The following SLC8A1 variants were observed in gnomAD, a reference collection of about 807,000 sequenced individuals.
The protein encoded by SLC8A1 is solute carrier family 8 member A1, also known as sodium/calcium exchanger 1.
Under a neutral mutation model 68.3 loss-of-function variants are expected in SLC8A1, and 18 were observed. That is an observed-to-expected ratio of 0.26 (90% CI 0.18 to 0.39). The LOEUF (loss-of-function observed/expected upper bound fraction) is 0.39, where lower values mean the gene tolerates loss of function less well. Ranked by LOEUF, SLC8A1 falls within the 10% of genes least tolerant of loss-of-function variation. The probability of loss-of-function intolerance (pLI) is 1.00; values close to 1 mark genes in which losing one functional copy is unlikely to be tolerated. For synonymous variants in SLC8A1, 475 were observed against 415.5 expected (o/e 1.14, Z -1.74); for missense variants, 985 against 1,156.7 (o/e 0.85, Z 2.15).
intron 7 of SLC8A1, 149 bp downstream of exon 10, chr2:40,139,252 C>T (rs1158782605): frequency 1.8e-5 from 16 of 866,442 alleles, no homozygotes; most frequent in African/African-American, 8.6e-5. Flanking sequence ...GACAATGTTC[C>T]GGCAGTAACA....
intron 2 of SLC8A1, among the ~76,000 whole-genome samples, chr2:40,400,369 C>A (rs1435388536): frequency 6.6e-6 from 1 of 152,142 alleles, no homozygotes; most frequent in Non-Finnish European, 1.5e-5. Context: ...AGGGAAGACT[C>A]ACCCAGGAAA....
chr2:40,278,124 T>C (rs77328283), intron 2 of SLC8A1, among the ~76,000 whole-genome samples: 4,089 of 152,168 alleles, frequency 0.027, 73 homozygotes, highest in Non-Finnish European at 0.039. Flanking sequence ...TAATATACAA[T>C]GGTTATTTTT....
chr2:40,376,390 G>A (rs927250261), intron 2 of SLC8A1, among the ~76,000 whole-genome samples: 1 of 152,008 alleles, frequency 6.6e-6, no homozygotes, highest in Admixed American at 6.6e-5. Context: ...ACTATCAAAC[G>A]TTCTGTTCTA....
At position 40,385,849 on chromosome 2, in the gene SLC8A1, A is replaced by T. The variant is rs555886872; in HGVS notation, c.1808+42624T>A. Among the ~76,000 whole-genome samples the T allele has an allele frequency of 1.4e-3, 216 of 151,490 alleles. 3 individuals carry two copies. The highest frequency in any genetic ancestry group is 0.014 in the Middle Eastern group (4 of 294). On this transcript the variant is annotated intron_variant, in intron 2 of 7. Coordinates refer to ENST00000406785, the Ensembl canonical transcript of SLC8A1. Reference sequence around the variant, plus strand: ...TTAAAATAGTCCTGGAAATTATAAAATGTCCAAATAAAAAAAAGTACACAA... The same window carrying T: ...TTAAAATAGTCCTGGAAATTATAAATTGTCCAAATAAAAAAAAGTACACAA...
chr2:40,227,639 C>G (rs2059149988), intron 2 of SLC8A1, among the ~76,000 whole-genome samples: 1 of 152,072 alleles, frequency 6.6e-6, no homozygotes, highest in Admixed American at 6.6e-5. Context: ...ATAATCTGTA[C>G]AACAAACCCC....
intron 1 of SLC8A1, among the ~76,000 whole-genome samples, chr2:40,463,449 C>A (rs748661349): frequency 1.3e-5 from 2 of 152,166 alleles, no homozygotes; most frequent in African/African-American, 2.4e-5. Flanking sequence ...TCTAAAGAAT[C>A]GCCTTAGTTC....
In SLC8A1 at chr2:40,482,916, G is replaced by A. The variant is rs909675847; in HGVS notation, c.-25+29433C>T. Among the ~76,000 whole-genome samples, 26 of 147,946 alleles carry A rather than the reference G, an allele frequency of 1.8e-4. 1 individual carries two copies. In the South Asian group the frequency reaches 3.4e-3, roughly 20 times the overall value. Reference sequence around the variant, plus strand: ...CGCCATTCTCCCGCCTCAGCCTCCCGAGTAGCTGGGACTACAGGCGCCCGC... The same window carrying A: ...CGCCATTCTCCCGCCTCAGCCTCCCAAGTAGCTGGGACTACAGGCGCCCGC... On this transcript the variant is annotated intron_variant, in intron 1 of 7. Transcript: ENST00000402441.
chr2:40,249,183 T>C (rs1014446051), intron 2 of SLC8A1, among the ~76,000 whole-genome samples: 1 of 152,212 alleles, frequency 6.6e-6, no homozygotes, highest in African/African-American at 2.4e-5. Context: ...CAAAAAATGT[T>C]TGATGTTATA....
At chr2:40,293,589 T>C (rs1479319197) in intron 2 of SLC8A1, among the ~76,000 whole-genome samples, 1 of 152,170 alleles carries the variant, frequency 6.6e-6, no homozygotes, top group African/African-American at 2.4e-5. Flanking sequence ...AGGGACTTAA[T>C]ATCTAGCTTT....
intron 1 of SLC8A1, among the ~76,000 whole-genome samples, chr2:40,511,222 A>T (rs1344235842): frequency 6.6e-6 from 1 of 152,206 alleles, no homozygotes; most frequent in Admixed American, 6.5e-5. Flanking sequence ...ATCTTATTTG[A>T]ATTATGGACA....
At chr2:40,313,154 C>A (rs557187409) in intron 2 of SLC8A1, among the ~76,000 whole-genome samples, 4 of 151,986 alleles carry the variant, frequency 2.6e-5, no homozygotes, top group Non-Finnish European at 5.9e-5. Context: ...GTATGAATCT[C>A]CAATAATTTT....
intron 2 of SLC8A1, among the ~76,000 whole-genome samples, chr2:40,233,665 T>C (rs9679384): frequency 0.74 from 95,288 of 128,034 alleles, 36,261 homozygotes; most frequent in Middle Eastern, 0.83. Flanking sequence ...ACATGAAGTC[T>C]TTGCCCATGC....
At chr2:40,247,833 G>A (rs900934801) in intron 2 of SLC8A1, among the ~76,000 whole-genome samples, 1 of 152,126 alleles carries the variant, frequency 6.6e-6, no homozygotes, top group Non-Finnish European at 1.5e-5. Flanking sequence ...CTTTCTGAAA[G>A]GTCTTGCAGG....
chr2:40,474,110 A>G (rs1243064728), intron 1 of SLC8A1, among the ~76,000 whole-genome samples: 2 of 152,152 alleles, frequency 1.3e-5, no homozygotes, highest in African/African-American at 2.4e-5. Flanking sequence ...TCAATAGACT[A>G]TCTCCTTACA....
chr2:40,418,613 T>C (rs1367511723), intron 2 of SLC8A1, among the ~76,000 whole-genome samples: 1 of 152,184 alleles, frequency 6.6e-6, no homozygotes, highest in Non-Finnish European at 1.5e-5. Context: ...TCATACCATT[T>C]AGAGAAAGGA....
exon 2 of SLC8A1, chr2:40,430,303 T>C: frequency 6.3e-7 from 1 of 1,579,404 alleles, no homozygotes; most frequent in Non-Finnish European, 8.6e-7. Flanking sequence ...TGTCACAACC[T>C]ACTGGTAAAA....
intron 2 of SLC8A1, among the ~76,000 whole-genome samples, chr2:40,228,571 G>T (rs1302436869): frequency 6.6e-6 from 1 of 152,162 alleles, no homozygotes; most frequent in African/African-American, 2.4e-5. Flanking sequence ...TCATGTGTTG[G>T]CATCACTGAA....
intron 1 of SLC8A1, among the ~76,000 whole-genome samples, chr2:40,451,152 G>C (rs917249043): frequency 6.6e-6 from 1 of 152,160 alleles, no homozygotes; most frequent in African/African-American, 2.4e-5. Flanking sequence ...TCACATCTCA[G>C]AACACAGACC....
intron 1 of SLC8A1, among the ~76,000 whole-genome samples, chr2:40,504,488 C>G (rs1490495650): frequency 6.6e-6 from 1 of 151,884 alleles, no homozygotes; most frequent in African/African-American, 2.4e-5. Flanking sequence ...AGCTTCTGTA[C>G]AGCAAATAAT....
Sources: allele counts gnomAD v4.1 joint callset (sites outside exome capture counted in the v4.1 genomes callset), GRCh38; gene constraint gnomAD v4.1.1; transcripts MANE v1.5; gene names NCBI Gene and HGNC (gene_info 2026-07-23, HGNC 2026-07-21).